Variants in PCNT observed in about 807,000 individuals in gnomAD.
PCNT encodes the protein pericentrin, also known as kendrin.
PCNT carries 319 observed loss-of-function variants against 380.4 expected under a neutral mutation model. The ratio of observed to expected loss-of-function variants is 0.84; its 90% CI spans 0.77 to 0.92. The LOEUF (loss-of-function observed/expected upper bound fraction) is 0.92, where lower values mean the gene tolerates loss of function less well. Ranked by LOEUF, PCNT falls within the 40% of genes least tolerant of loss-of-function variation. The pLI is 0.00. For missense variants in PCNT, 4,400 were observed against 4,255.3 expected (o/e 1.03, Z -0.95); for synonymous variants, 1,845 against 1,735.2 (o/e 1.06, Z -1.57).
At chr21:46,403,870 G>A (rs533101900) in intron 27 of PCNT, among the ~76,000 whole-genome samples, 16 of 144,312 alleles carry the variant, frequency 1.1e-4, no homozygotes, top group East Asian at 4.3e-4. Flanking sequence ...GTGCCCACGC[G>A]GCGTGTGCTC....
rs752259750 is a variant in PCNT at position 46,412,056 on chromosome 21, C to T, written c.5983C>T (p.Pro1995Ser). Residue 1995 changes from proline (P) to serine (S), a missense_variant, in exon 28 of 47, where the codon CCT becomes TCT. Physicochemically the swap from Pro to Ser is moderately conservative, Grantham distance 74. Coordinates refer to ENST00000359568, the MANE Select transcript of PCNT (RefSeq NM_006031.6). ...SHDAALEPVV[P>S]DPQGDLQPVL... ...TGATGCTGCTTTGGAGCCGGTTGTC[C>T]CTGACCCACAGGTGGGCTCCCCCCG... 3.1e-6 allele frequency: 5 copies of T among 1,607,090 alleles called. No homozygotes were observed. The highest frequency in any genetic ancestry group is 4.5e-5 in the East Asian group (2 of 44,860).
chr21:46,438,251 A>T lies in PCNT; in HGVS notation c.9187A>T (p.Thr3063Ser), dbSNP rs771579552. 1 of 1,614,174 alleles carries T rather than the reference A, an allele frequency of 6.2e-7. No homozygotes were observed. Among genetic ancestry groups the T allele is most frequent in the Admixed American group, 1.7e-5 (1 of 60,032 alleles). Residue 3063 changes from threonine (T) to serine (S), a missense_variant, in exon 41 of 47, where the codon ACC becomes TCC. Transcript: ENST00000359568. The part of the protein sequence containing the change: ...VSLTKALSTV[T>S]QEKLELSRAV... ...CCTCACAAAAGCGCTCAGCACGGTG[A>T]CCCAGGAGAAGCTGGAGCTGAGCAG...
At position 46,381,677 on chromosome 21, in the gene PCNT, G is replaced by A. The variant is rs775302066; in HGVS notation, c.3166-17G>A. 13 of 1,609,768 alleles carry A rather than the reference G, an allele frequency of 8.1e-6. No individual in the cohort carries two copies. The highest frequency in any genetic ancestry group is 1.1e-5 in the Non-Finnish European group (13 of 1,176,076). ...TTCTAGCTTACTGGTATTTTTTATT[G>A]TTATTGATGTGTACAGGGTGAATTT... On this transcript the variant is annotated splice_polypyrimidine_tract_variant and intron_variant, in intron 15 of 46. Transcript: ENST00000359568.
Position 46,425,698 on chromosome 21 carries a change from A to T in PCNT, c.7180-133A>T, listed in dbSNP as rs2087464370. The T allele has an allele frequency of 7.7e-7, 1 of 1,296,592 alleles. No individual in the cohort carries two copies. The highest frequency in any genetic ancestry group is 1.5e-5 in the African/African-American group (1 of 68,828). 80.3% of individuals were successfully genotyped at this position (1,296,592 alleles called of 1,614,324 possible). ...AGTGGGTGCCGCCTGTACGAAGCCGAGGCGGTGCCCTCCCTCTCCACAGCT... is the reference window on the plus strand; with the variant it reads ...AGTGGGTGCCGCCTGTACGAAGCCGTGGCGGTGCCCTCCCTCTCCACAGCT... On this transcript the variant is annotated intron_variant, in intron 32 of 46. Transcript: ENST00000359568. The surrounding 1 kb of genome is among the most constrained non-coding windows in gnomAD (Gnocchi z 4.2).
chr21:46,398,882 C>T (rs1479114077), intron 24 of PCNT, among the ~76,000 whole-genome samples: 7 of 144,810 alleles, frequency 4.8e-5, no homozygotes, highest in African/African-American at 1.5e-4. Flanking sequence ...TGCAGTGGCG[C>T]GATCTCAGCT....
chr21:46,326,408 G>T lies in PCNT; in HGVS notation c.86G>T (p.Gly29Val). The change falls in exon 2 of 47, where the codon GGT becomes GTT. Residue 29 changes from glycine (G) to valine (V), a missense_variant. Coordinates refer to ENST00000359568, the MANE Select transcript of PCNT (RefSeq NM_006031.6). ...LAHFRQRKTK[G>V]DSSHSEKKTA... is the part of the protein sequence containing the mutation. ...CACTTCCGACAGAGAAAAACAAAAG[G>T]TGACAGTTCGCATTCGGAGAAAAAG... is the stretch of plus-strand genomic sequence containing the variant. 1 of 1,614,212 alleles carries T rather than the reference G, an allele frequency of 6.2e-7. No individual in the cohort carries two copies. The highest frequency in any genetic ancestry group is 8.5e-7 in the Non-Finnish European group (1 of 1,180,044).
At chr21:46,328,324 G>A (rs762611727) in intron 2 of PCNT, among the ~76,000 whole-genome samples, 10 of 150,968 alleles carry the variant, frequency 6.6e-5, no homozygotes, top group Non-Finnish European at 1.5e-4. Context: ...GCGCAGTGAC[G>A]CGAACTCTGC....
chr21:46,384,016 A>C (rs1293905239), intron 16 of PCNT, among the ~76,000 whole-genome samples: 2 of 138,038 alleles, frequency 1.4e-5, no homozygotes, highest in African/African-American at 2.7e-5. Context: ...GCGCATTCAC[A>C]GTGTTGTATA....
At chr21:46,437,189 G>A (rs182369322) in intron 40 of PCNT, 108 bp downstream of exon 40, 9 of 741,780 alleles carry the variant, frequency 1.2e-5, no homozygotes, top group African/African-American at 3.5e-5. Context: ...TTCCTCCCTC[G>A]CTGCCTTCTC....
intron 2 of PCNT, among the ~76,000 whole-genome samples, chr21:46,327,782 A>C (rs1013334302): frequency 6.6e-6 from 1 of 152,160 alleles, no homozygotes; most frequent in Non-Finnish European, 1.5e-5. Context: ...CTTTTTACTA[A>C]ACGTGAGATG....
chr21:46,380,770 T>G (rs2085504238), intron 15 of PCNT, among the ~76,000 whole-genome samples: 2 of 152,192 alleles, frequency 1.3e-5, no homozygotes, highest in African/African-American at 4.8e-5. Flanking sequence ...TTTTGATGGT[T>G]TTTACCACTT....
At chr21:46,380,175 T>TG (rs2085476477) in intron 15 of PCNT, among the ~76,000 whole-genome samples, 1 of 66,966 alleles carries the variant, frequency 1.5e-5, no homozygotes, top group Non-Finnish European at 3.2e-5. Flanking sequence ...TTTTTTTTTT[T>TG]TTTTTTTTGA....
At position 46,442,484 on chromosome 21, in the gene PCNT, CTTTT is replaced by C. The variant is rs762854621; in HGVS notation, c.9624-8_9624-5del. 6 of 1,561,710 alleles carry C rather than the reference CTTTT, an allele frequency of 3.8e-6. No individual in the cohort carries two copies. Among genetic ancestry groups the C allele is most frequent in the Non-Finnish European group, 1.8e-6 (2 of 1,132,884 alleles). Reference sequence around the variant, plus strand: ...CCGTACTTTTAAGTGTGTCTTGTCTCTTTTTTTTGTAGATTACGTTTTTTGGTTA... The same window carrying C: ...CCGTACTTTTAAGTGTGTCTTGTCTCTTTTGTAGATTACGTTTTTTGGTTA... On this transcript the variant is annotated splice_polypyrimidine_tract_variant and intron_variant, in intron 43 of 46. Coordinates refer to ENST00000359568, the MANE Select transcript of PCNT (RefSeq NM_006031.6).
intron 2 of PCNT, 69 bp from the exon 3 acceptor site, chr21:46,334,328 T>G: frequency 6.2e-7 from 1 of 1,610,928 alleles, no homozygotes; most frequent in Non-Finnish European, 8.5e-7. Context: ...ATAGAGGAGC[T>G]GGGAAGGGCC....
Position 46,356,983 on chromosome 21 carries a change from G to T in PCNT, c.1946G>T (p.Trp649Leu). The T allele has an allele frequency of 2.5e-6, 4 of 1,613,972 alleles. No homozygotes were observed. Among genetic ancestry groups the T allele is most frequent in the Non-Finnish European group, 3.4e-6 (4 of 1,179,988 alleles). ...CTCCTTTTCCACACAGAGCTTCCCT[G>T]GGTGCATCTCCAGGGTGTGCAGGAC... ...PSEGHSQELP[W>L]VHLQGVQDGD... Residue 649 changes from tryptophan (W) to leucine (L), a missense_variant, in exon 13 of 47, where the codon TGG becomes TTG. Physicochemically the swap from Trp to Leu is moderately conservative, Grantham distance 61. Transcript: ENST00000359568.
chr21:46,382,265 GCATT>G (rs1463304683), intron 16 of PCNT, among the ~76,000 whole-genome samples: 2 of 144,184 alleles, frequency 1.4e-5, no homozygotes, highest in Non-Finnish European at 3.0e-5. Context: ...ACGGTGTTGT[GCATT>G]CAGTGGTGGA....
intron 16 of PCNT, among the ~76,000 whole-genome samples, chr21:46,383,407 G>C (rs549907870): frequency 7.6e-6 from 1 of 131,632 alleles, no homozygotes; most frequent in South Asian, 2.7e-4. Flanking sequence ...GCGCATTCAC[G>C]GTGTTGTGCA....
chr21:46,378,007 T>G (rs1473983366), intron 15 of PCNT, among the ~76,000 whole-genome samples: 1 of 152,192 alleles, frequency 6.6e-6, no homozygotes, highest in Admixed American at 6.5e-5. Context: ...TTTGTGTGTT[T>G]CCCAGGTTGG....
At chr21:46,421,825 T>G in intron 31 of PCNT, 145 bp from the exon 32 acceptor site, 1 of 894,986 alleles carries the variant, frequency 1.1e-6, no homozygotes, top group Non-Finnish European at 1.7e-6. Flanking sequence ...TTTGGGGCCA[T>G]CAGTGTTTTC....
Sources: gnomAD v4.1 joint callset for allele counts (sites outside exome capture counted in the v4.1 genomes callset) on GRCh38, gnomAD v4.1.1 for gene constraint, Gnocchi (gnomAD v3.1) non-coding constraint, MANE v1.5 for transcripts, NCBI Gene and HGNC (gene_info 2026-07-23, HGNC 2026-07-21) for gene names.